Variants in SETD2 observed in about 807,000 individuals in gnomAD.
SETD2 encodes SET domain containing 2, histone lysine methyltransferase.
A neutral mutation model predicts 242.1 loss-of-function variants in SETD2; 31 were observed. The observed-to-expected ratio is 0.13, with a 90% CI of 0.10 to 0.17. SETD2 has a LOEUF of 0.17. SETD2 is among the 10% of genes least tolerant of loss of function. SETD2 has a pLI of 1.00. For missense variants in SETD2, 2,481 were observed against 3,046.3 expected (o/e 0.81, Z 4.37); for synonymous variants, 1,006 against 1,066.5 (o/e 0.94, Z 1.11).
intron 1 of SETD2, among the ~76,000 whole-genome samples, chr3:47,156,404 C>T (rs757392979): frequency 2.6e-5 from 4 of 152,164 alleles, no homozygotes; most frequent in Middle Eastern, 3.4e-3. Flanking sequence ...GTATAAAATA[C>T]GGCTTGGCAA....
intron 12 of SETD2, among the ~76,000 whole-genome samples, chr3:47,070,945 A>C (rs2040793008): frequency 6.6e-6 from 1 of 152,090 alleles, no homozygotes; most frequent in Admixed American, 6.6e-5. Flanking sequence ...TCTGTTGCCC[A>C]GGCTGGTCTC....
intron 17 of SETD2, among the ~76,000 whole-genome samples, chr3:47,040,266 A>T (rs1378980711): frequency 6.6e-6 from 1 of 152,170 alleles, no homozygotes; most frequent in Non-Finnish European, 1.5e-5. Flanking sequence ...GGTGTGAGCC[A>T]CTGCACCCAG....
chr3:47,040,569 ATTTTTTTTTT>A (rs34309892), intron 17 of SETD2, among the ~76,000 whole-genome samples: 9 of 91,722 alleles, frequency 9.8e-5, no homozygotes, highest in Admixed American at 4.6e-4. Context: ...AGGGAAAAGG[ATTTTTTTTTT>A]TTTTTTTTTT....
At chr3:47,111,078 TTAAAAAAAAA>T (rs2042629728) in intron 5 of SETD2, among the ~76,000 whole-genome samples, 1 of 57,122 alleles carries the variant, frequency 1.8e-5, no homozygotes, top group African/African-American at 8.6e-5. Flanking sequence ...TGTGGTTCCT[TTAAAAAAAAA>T]AAAAAAAAAA....
intron 19 of SETD2, among the ~76,000 whole-genome samples, chr3:47,018,889 A>G (rs995686832): frequency 2.6e-5 from 4 of 152,250 alleles, no homozygotes; most frequent in South Asian, 2.1e-4. Context: ...TTCTATTGAT[A>G]TAAGTTAGAT....
Position 47,084,233 on chromosome 3 carries a change from C to A in SETD2, c.5547G>T (p.Ser1849=), listed in dbSNP as rs750812600. Residue 1849 remains serine (S), a synonymous_variant, in exon 12 of 21, where the codon TCG becomes TCT. Coordinates refer to ENST00000409792, the MANE Select transcript of SETD2 (RefSeq NM_014159.7). The stretch of plus-strand genomic sequence containing the variant: ...GTGTGTTGAGTGGTGTATGAGCACG[C>A]GATGTATTCTCACTAGAATACCCAT... ...EGDGYSSENT[S]RAHTPLNTPD... The A allele has an allele frequency of 1.4e-5, 22 of 1,613,994 alleles. No individual in the cohort carries two copies. Among genetic ancestry groups the A allele is most frequent in the Middle Eastern group, 1.6e-4 (1 of 6,062 alleles).
chr3:47,125,878 T>C (rs2043309944), intron 2 of SETD2, among the ~76,000 whole-genome samples: 1 of 152,252 alleles, frequency 6.6e-6, no homozygotes, highest in Middle Eastern at 3.2e-3. Flanking sequence ...AAAATTCTTC[T>C]AATTAATGTT....
intron 7 of SETD2, 60 bp from the exon 8 acceptor site, chr3:47,101,615 T>C: frequency 2.4e-6 from 2 of 823,742 alleles, no homozygotes; most frequent in African/African-American, 1.7e-5. Context: ...TGTGTGTGTG[T>C]GTGTGTGTGT....
At chr3:47,119,169 GT>G (rs1000609161) in intron 3 of SETD2, among the ~76,000 whole-genome samples, 8 of 152,004 alleles carry the variant, frequency 5.3e-5, no homozygotes, top group Non-Finnish European at 1.0e-4. Flanking sequence ...TTTTGTTTTG[GT>G]TTTTTAAGCA....
At chr3:47,095,190 C>T (rs1226027429) in intron 9 of SETD2, among the ~76,000 whole-genome samples, 1 of 152,170 alleles carries the variant, frequency 6.6e-6, no homozygotes, top group Non-Finnish European at 1.5e-5. Context: ...GGCTGGAGTG[C>T]AGTGGTGCCA....
intron 15 of SETD2, among the ~76,000 whole-genome samples, chr3:47,048,164 C>T (rs9878813): frequency 0.042 from 6,452 of 152,116 alleles, 472 homozygotes; most frequent in African/African-American, 0.15. Context: ...CCAAAGTGGG[C>T]GGATCACGAG....
intron 9 of SETD2, among the ~76,000 whole-genome samples, chr3:47,094,366 G>A (rs2041925018): frequency 6.6e-6 from 1 of 152,144 alleles, no homozygotes; most frequent in African/African-American, 2.4e-5. Context: ...ATAAGAACAA[G>A]GATAAAAAAT....
At chr3:47,056,286 G>A (rs868525343) in intron 15 of SETD2, among the ~76,000 whole-genome samples, 2 of 151,304 alleles carry the variant, frequency 1.3e-5, no homozygotes, top group African/African-American at 2.4e-5. Flanking sequence ...CACCATGGCC[G>A]GCTAATTTTT....
chr3:47,059,899 T>C (rs2040260381), intron 14 of SETD2, among the ~76,000 whole-genome samples: 1 of 152,192 alleles, frequency 6.6e-6, no homozygotes, highest in Non-Finnish European at 1.5e-5. Context: ...TTCTCATGCC[T>C]CAGCCTCTCA....
At position 47,163,843 on chromosome 3, in the gene SETD2, C is replaced by T; in HGVS notation, c.71+11G>A. 1 of 1,287,740 alleles carries T rather than the reference C, an allele frequency of 7.8e-7. No individual in the cohort carries two copies. The highest frequency in any genetic ancestry group is 9.9e-7 in the Non-Finnish European group (1 of 1,010,194). 79.8% of individuals were successfully genotyped at this position (1,287,740 alleles called of 1,614,324 possible). A position where few individuals can be genotyped will look rare whatever the true frequency, so the allele number is the denominator to read the frequency against. ...CCGACAGCAGCGGGGGGCCGCGGAG[C>T]TGATACTTACTCAGGGGTCGGGTGC... is the stretch of plus-strand genomic sequence containing the variant. On this transcript the variant is annotated intron_variant, in intron 1 of 20. Coordinates refer to ENST00000409792, the MANE Select transcript of SETD2 (RefSeq NM_014159.7).
At chr3:47,117,199 T>C (rs1044686529) in intron 3 of SETD2, among the ~76,000 whole-genome samples, 3 of 148,932 alleles carry the variant, frequency 2.0e-5, no homozygotes, top group Non-Finnish European at 3.0e-5. Flanking sequence ...AAGTCAACCA[T>C]TCAAAATAAA....
At chr3:47,024,211 G>A (rs771736672) in intron 18 of SETD2, among the ~76,000 whole-genome samples, 13 of 152,294 alleles carry the variant, frequency 8.5e-5, no homozygotes, top group Non-Finnish European at 1.6e-4. Context: ...GGTGACTCAC[G>A]CCTGTAATCC....
Position 47,084,023 on chromosome 3 carries a change from T to C in SETD2, c.5757A>G (p.Glu1919=). ...GCTGTTGTGACTGCAATTCTTCCTCTTCCTCTACAGGGACATTTTCTAATT... is the reference window on the plus strand; with the variant it reads ...GCTGTTGTGACTGCAATTCTTCCTCCTCCTCTACAGGGACATTTTCTAATT... ...LDQLENVPVE[E]EEELQSQQLL... is the part of the protein sequence containing the mutation. Residue 1919 remains glutamate, a synonymous_variant, in exon 12 of 21, where the codon GAA becomes GAG. Transcript: ENST00000409792. The C allele has an allele frequency of 6.2e-7, 1 of 1,614,190 alleles. No individual in the cohort carries two copies. Among genetic ancestry groups the C allele is most frequent in the Non-Finnish European group, 8.5e-7 (1 of 1,180,026 alleles).
Position 47,071,210 on chromosome 3 carries a change from T to G in SETD2, c.6061-4092A>C, listed in dbSNP as rs2040803782. On this transcript the variant is annotated intron_variant, in intron 12 of 20. Transcript: ENST00000409792. ...GACCTAAAAGAATCTGCTTCCACACTCCATCTGATACTTTTTACATATTGT... is the reference window on the plus strand; with the variant it reads ...GACCTAAAAGAATCTGCTTCCACACGCCATCTGATACTTTTTACATATTGT... Among the ~76,000 whole-genome samples, 3 of 152,326 alleles carry G rather than the reference T, an allele frequency of 2.0e-5. No individual in the cohort carries two copies. In the South Asian group the frequency reaches 6.2e-4, roughly 32 times the overall value.
Sources: gnomAD v4.1 joint callset for allele counts (sites outside exome capture counted in the v4.1 genomes callset) on GRCh38, gnomAD v4.1.1 for gene constraint, MANE v1.5 for transcripts, NCBI Gene and HGNC (gene_info 2026-07-23, HGNC 2026-07-21) for gene names.